The following WWOX variants were observed in gnomAD, a reference collection of about 807,000 sequenced individuals.
The protein encoded by WWOX is WW domain-containing oxidoreductase.
WWOX carries 69 observed loss-of-function variants against 46.2 expected under a neutral mutation model. That is an observed-to-expected ratio of 1.49 (90% CI 1.23 to 1.82). The LOEUF (loss-of-function observed/expected upper bound fraction) is 1.82, where lower values mean the gene tolerates loss of function less well. WWOX is among the 40% of genes most tolerant of loss of function. The pLI is 0.00. For missense variants in WWOX, 919 were observed against 542.6 expected, an observed-to-expected ratio of 1.69 and a Z score of -6.89; for synonymous variants, 359 against 202.6, an observed-to-expected ratio of 1.77 and a Z score of -6.56.
At chr16:78,100,213 C>A in intron 1 of WWOX, 2 of 1,171,686 alleles carry the variant, frequency 1.7e-6, no homozygotes, top group Non-Finnish European at 2.1e-6. Context: ...GCTCAGCTCC[C>A]TCCTGCAGGC....
At chr16:79,043,118 G>T (rs2048003029) in intron 8 of WWOX, among the ~76,000 whole-genome samples, 1 of 152,114 alleles carries the variant, frequency 6.6e-6, no homozygotes, top group Non-Finnish European at 1.5e-5. Context: ...CACGTGGGCA[G>T]GTGAGAGGTG....
intron 4 of WWOX, among the ~76,000 whole-genome samples, chr16:78,117,257 C>G (rs183841487): frequency 2.0e-5 from 3 of 152,090 alleles, no homozygotes; most frequent in Non-Finnish European, 4.4e-5. Flanking sequence ...AATTGTAACG[C>G]TCAGGATGGC....
At chr16:78,581,306 C>CT (rs1440683005) in intron 8 of WWOX, among the ~76,000 whole-genome samples, 1 of 152,140 alleles carries the variant, frequency 6.6e-6, no homozygotes, top group African/African-American at 2.4e-5. Context: ...GGAAGCCAAC[C>CT]TTTTCTATAG....
At chr16:79,088,468 C>A (rs1316506693) in intron 8 of WWOX, among the ~76,000 whole-genome samples, 2 of 152,176 alleles carry the variant, frequency 1.3e-5, no homozygotes, top group African/African-American at 4.8e-5. Flanking sequence ...GTGAATGGTG[C>A]AAGGGATAAC....
At chr16:79,185,552 G>A (rs77437035) in intron 8 of WWOX, among the ~76,000 whole-genome samples, 1,652 of 152,238 alleles carry the variant, frequency 0.011, 29 homozygotes, top group African/African-American at 0.036. Flanking sequence ...GCCTCAGAAC[G>A]GATTGAGAGC....
At chr16:78,427,591 G>C (rs773973025) in intron 7 of WWOX, among the ~76,000 whole-genome samples, 1 of 151,608 alleles carries the variant, frequency 6.6e-6, no homozygotes, top group Non-Finnish European at 1.5e-5. Context: ...ACAGAATCCA[G>C]CCTAATTATT....
In WWOX at chr16:78,361,936, A is replaced by G. The variant is rs550859042; in HGVS notation, c.517-24924A>G. Among the ~76,000 whole-genome samples the G allele has an allele frequency of 1.2e-4, 18 of 147,056 alleles. No individual in the cohort carries two copies. The East Asian group carries it at 1.4e-3, about 11-fold the overall frequency. On this transcript the variant is annotated intron_variant, in intron 5 of 8. Transcript: ENST00000566780. ...CCCTCCCCCGTTTATTTCTGATTCA[A>G]TTACTTTATATTAGCGTAGATTCAC... is the stretch of plus-strand genomic sequence containing the variant.
chr16:78,573,333 G>A (rs1036731232), intron 8 of WWOX, among the ~76,000 whole-genome samples: 2 of 152,152 alleles, frequency 1.3e-5, no homozygotes, highest in African/African-American at 4.8e-5. Context: ...AAATGTTCTA[G>A]TACCTTGAAA....
At chr16:78,152,985 A>G (rs72804922) in intron 4 of WWOX, among the ~76,000 whole-genome samples, 20,896 of 152,218 alleles carry the variant, frequency 0.14, 1,549 homozygotes, top group South Asian at 0.2. Context: ...TGCTTGCTGT[A>G]TATAACACAT....
chr16:78,731,423 C>CT (rs35018290), intron 8 of WWOX, among the ~76,000 whole-genome samples: 352 of 152,296 alleles, frequency 2.3e-3, no homozygotes, highest in African/African-American at 8.1e-3. Context: ...TCTTTCTGCA[C>CT]TGATCCCTTT....
In WWOX at chr16:78,814,142, A is replaced by G. The variant is rs139717697; in HGVS notation, c.1056+381390A>G. Among the ~76,000 whole-genome samples, 769 of 152,350 alleles carry G rather than the reference A, an allele frequency of 5.0e-3. 8 individuals carry two copies. The highest frequency in any genetic ancestry group is 0.018 in the African/African-American group (730 of 41,596). ...TTGCAGGAGAAGACAGAACCCGGCC[A>G]GATCCTCCCGCTGCCGGCAAGCGGA... On this transcript the variant is annotated intron_variant, in intron 8 of 8. Transcript: ENST00000566780.
chr16:78,436,397 T>C (rs1441373527), intron 8 of WWOX, among the ~76,000 whole-genome samples: 1 of 152,208 alleles, frequency 6.6e-6, no homozygotes, highest in Non-Finnish European at 1.5e-5. Flanking sequence ...GGACTTTTCT[T>C]GTTTCTGACC....
chr16:79,165,382 C>T (rs149048770), intron 8 of WWOX, among the ~76,000 whole-genome samples: 2 of 152,264 alleles, frequency 1.3e-5, no homozygotes, highest in East Asian at 3.9e-4. Flanking sequence ...TAGAGCCAGA[C>T]ATGGAATCCT....
intron 8 of WWOX, among the ~76,000 whole-genome samples, chr16:78,590,827 G>C (rs542599677): frequency 4.6e-5 from 7 of 152,270 alleles, no homozygotes; most frequent in African/African-American, 1.7e-4. Context: ...AATGGGAGGT[G>C]TGCCTGGGAT....
intron 5 of WWOX, among the ~76,000 whole-genome samples, chr16:78,222,019 A>C (rs915762277): frequency 6.6e-6 from 1 of 152,202 alleles, no homozygotes; most frequent in African/African-American, 2.4e-5. Context: ...TGCCGAGAAA[A>C]GAAAGTCAAG....
At chr16:78,983,214 C>T (rs888478961) in intron 8 of WWOX, among the ~76,000 whole-genome samples, 16 of 152,166 alleles carry the variant, frequency 1.1e-4, no homozygotes, top group African/African-American at 2.4e-4. Flanking sequence ...ACATAGACCA[C>T]GGACACTCAA....
intron 5 of WWOX, among the ~76,000 whole-genome samples, chr16:78,364,141 T>A (rs2081478027): frequency 6.6e-6 from 1 of 152,180 alleles, no homozygotes; most frequent in Non-Finnish European, 1.5e-5. Flanking sequence ...TCCGTAACCC[T>A]CCTTTCCAGC....
chr16:78,375,503 A>G (rs2081797994), intron 5 of WWOX, among the ~76,000 whole-genome samples: 1 of 152,240 alleles, frequency 6.6e-6, no homozygotes, highest in African/African-American at 2.4e-5. Flanking sequence ...ACTGTGCATC[A>G]GGTATTAGAG....
intron 8 of WWOX, among the ~76,000 whole-genome samples, chr16:78,907,348 C>T (rs955044064): frequency 6.6e-6 from 1 of 152,194 alleles, no homozygotes; most frequent in East Asian, 1.9e-4. Flanking sequence ...GTGATGTTAT[C>T]TGCAGGAATA....
Sources: allele counts gnomAD v4.1 joint callset (sites outside exome capture counted in the v4.1 genomes callset), GRCh38; gene constraint gnomAD v4.1.1; transcripts MANE v1.5; gene names NCBI Gene and HGNC (gene_info 2026-07-23, HGNC 2026-07-21).